The following FLNC variants were observed in gnomAD, a reference collection of about 807,000 sequenced individuals.
The protein encoded by FLNC is filamin C, also known as filamin-C.
Under a neutral mutation model 254.3 loss-of-function variants are expected in FLNC, and 91 were observed. The ratio of observed to expected loss-of-function variants is 0.36; its 90% CI spans 0.30 to 0.43. The LOEUF is 0.43. Among genes scored for constraint, FLNC ranks in the 20% least tolerant of loss-of-function variants. The pLI is 1.00. For missense variants in FLNC, 2,853 were observed against 3,802.6 expected, an observed-to-expected ratio of 0.75 and a Z score of 6.57; for synonymous variants, 1,430 against 1,577.2, an observed-to-expected ratio of 0.91 and a Z score of 2.21.
chr7:128,854,271 G>T lies in FLNC; in HGVS notation c.6727+55G>T. 2.5e-6 allele frequency: 4 copies of T among 1,603,760 alleles called. No homozygotes were observed. The South Asian group carries it at 3.3e-5, about 13-fold the overall frequency. ...CCTCACGGCGGGATGGGAGGGTGCT[G>T]CGGACCAGGCTTGATGCTGGCAGAC... On this transcript the variant is annotated intron_variant, in intron 40 of 47. Coordinates refer to ENST00000325888, the MANE Select transcript of FLNC (RefSeq NM_001458.5).
chr7:128,858,924 C>T lies in FLNC; in HGVS notation c.*401C>T, dbSNP rs1809188187. 3.8e-6 allele frequency: 1 copy of T among 262,594 alleles called. No homozygotes were observed. The highest frequency in any genetic ancestry group is 7.5e-6 in the Non-Finnish European group (1 of 133,976). 16.3% of individuals were successfully genotyped at this position (262,594 alleles called of 1,614,324 possible). On this transcript the variant is annotated 3_prime_UTR_variant, in exon 48 of 48. Transcript: ENST00000325888. This position sits in a 1 kb window ranked among gnomAD's most constrained non-coding sequence, Gnocchi z 6.7. ...CAAACTGCACCGCCGGCCAGATACC[C>T]TCCTGACCCCGAGGACTTGGTCTGG... is the stretch of plus-strand genomic sequence containing the variant.
chr7:128,848,423 G>A (rs1165771582), intron 26 of FLNC, 138 bp from the exon 27 acceptor site: 2 of 947,736 alleles, frequency 2.1e-6, no homozygotes, highest in East Asian at 2.4e-5. Flanking sequence ...CGGCTTCTGG[G>A]AACTGGTCCC....
Position 128,856,684 on chromosome 7 carries a change from G to A in FLNC, c.7384+34G>A, listed in dbSNP as rs762370255. Reference sequence around the variant, plus strand: ...GCCCTGCCCCTGCCAACTCCCTTCCGGGCTGGGGCCTTCTGGGGAGGGGAA... The same window carrying A: ...GCCCTGCCCCTGCCAACTCCCTTCCAGGCTGGGGCCTTCTGGGGAGGGGAA... On this transcript the variant is annotated intron_variant, in intron 44 of 47. Transcript: ENST00000325888. The surrounding 1 kb of genome is among the most constrained non-coding windows in gnomAD (Gnocchi z 5.9). 11 of 1,613,628 alleles carry A rather than the reference G, an allele frequency of 6.8e-6. No individual in the cohort carries two copies. In the East Asian group the frequency reaches 1.1e-4, roughly 16 times the overall value.
chr7:128,850,933 C>T lies in FLNC; in HGVS notation c.5529C>T (p.Asn1843=). Residue 1843 remains asparagine, a synonymous_variant, in exon 33 of 48, where the codon AAC becomes AAT. Coordinates refer to ENST00000325888, the MANE Select transcript of FLNC (RefSeq NM_001458.5). ...AGATGGGGATCAAGTATGACGGCAA[C>T]CACATCCCTGGTGAGTTAGGGGCTG... ...LHQMGIKYDG[N]HIPGSPLQFY... 6.2e-7 allele frequency: 1 copy of T among 1,613,626 alleles called. No individual in the cohort carries two copies. The highest frequency in any genetic ancestry group is 8.5e-7 in the Non-Finnish European group (1 of 1,179,950).
In FLNC at chr7:128,845,224, C is replaced by T; in HGVS notation, c.3759C>T (p.Val1253=). The change falls in exon 21 of 48, where the codon GTC becomes GTT. Residue 1253 remains valine, a synonymous_variant. Coordinates refer to ENST00000325888, the MANE Select transcript of FLNC (RefSeq NM_001458.5). ...HVQPAVDTSG[V]KVSGPGVEPH... is the part of the protein sequence containing the mutation. ...AGCCTGCGGTCGATACCAGTGGCGTCAAGGTCTCAGGGCCTGGTGTTGAGC... is the reference window on the plus strand; with the variant it reads ...AGCCTGCGGTCGATACCAGTGGCGTTAAGGTCTCAGGGCCTGGTGTTGAGC... The T allele has an allele frequency of 6.2e-7, 1 of 1,613,802 alleles. No homozygotes were observed. The highest frequency in any genetic ancestry group is 8.5e-7 in the Non-Finnish European group (1 of 1,180,010).
At chr7:128,855,678 C>G (rs1044569281) in intron 43 of FLNC, among the ~76,000 whole-genome samples, 8 of 152,216 alleles carry the variant, frequency 5.3e-5, no homozygotes, top group Non-Finnish European at 1.0e-4. Flanking sequence ...CCAGTTTGCA[C>G]AGAGGGTGTG....
rs374925943 is a variant in FLNC at position 128,856,843 on chromosome 7, C to G, written c.7483C>G (p.Arg2495Gly). 7 of 1,614,184 alleles carry G rather than the reference C, an allele frequency of 4.3e-6. No homozygotes were observed. Among genetic ancestry groups the G allele is most frequent in the Non-Finnish European group, 5.1e-6 (6 of 1,180,024 alleles). Residue 2495 changes from arginine (R) to glycine (G), a missense_variant, in exon 45 of 48, where the codon CGC becomes GGC. Around this residue, in one of 10 missense-constraint regions of FLNC, gnomAD observed 197 missense variants for 351.5 expected, o/e 0.56. Transcript: ENST00000325888. The surrounding 1 kb of genome is among the most constrained non-coding windows in gnomAD (Gnocchi z 5.9). The stretch of plus-strand genomic sequence containing the variant: ...CATCCCTGGAAGTCCCTTCAAGATC[C>G]GCGTTGGGGAGCAGAGCCAGGCTGG... The part of the protein sequence containing the change: ...AHIPGSPFKI[R>G]VGEQSQAGDP...
At position 128,835,280 on chromosome 7, in the gene FLNC, G is replaced by A; in HGVS notation, c.353-46G>A. On this transcript the variant is annotated intron_variant, in intron 1 of 47. Coordinates refer to ENST00000325888, the MANE Select transcript of FLNC (RefSeq NM_001458.5). This position sits in a 1 kb window ranked among gnomAD's most constrained non-coding sequence, Gnocchi z 5.3. ...GTGAGGGAGGGTGCTCTGGGGCAGTGGAGGGTGGGGCGCCCCTGAGCCCGT... is the reference window on the plus strand; with the variant it reads ...GTGAGGGAGGGTGCTCTGGGGCAGTAGAGGGTGGGGCGCCCCTGAGCCCGT... 6.2e-7 allele frequency: 1 copy of A among 1,611,124 alleles called. No homozygotes were observed. Among genetic ancestry groups the A allele is most frequent in the Non-Finnish European group, 8.5e-7 (1 of 1,179,700 alleles).
In FLNC at chr7:128,855,288, C is replaced by T. The variant is rs1244377387; in HGVS notation, c.7225C>T (p.Arg2409Cys). 5.0e-6 allele frequency: 8 copies of T among 1,612,848 alleles called. No individual in the cohort carries two copies. The highest frequency in any genetic ancestry group is 1.7e-4 in the Middle Eastern group (1 of 6,060). The change falls in exon 43 of 48, where the codon CGC (arginine) becomes TGC (cysteine). Residue 2409 changes from arginine (R) to cysteine (C), a missense_variant. Around this residue, in one of 10 missense-constraint regions of FLNC, gnomAD observed 551 missense variants for 835.0 expected, o/e 0.66. Transcript: ENST00000325888. ...VPVASLSDDA[R>C]RLTVTSLQET... ...TGTGGCCTCCCTCTCGGATGACGCT[C>T]GCCGTCTCACTGTCACCAGCCTCCA...
Position 128,854,649 on chromosome 7 carries a change from A to C in FLNC, c.6964A>C (p.Thr2322Pro). The change falls in exon 41 of 48, where the codon ACA (threonine) becomes CCA (proline). Residue 2322 changes from threonine (T) to proline (P), a missense_variant. Thr to Pro is a conservative substitution (Grantham distance 38). Coordinates refer to ENST00000325888, the MANE Select transcript of FLNC (RefSeq NM_001458.5). ...TGCCCACAAGGTGCGGGCCGGAGGC[A>C]CAGGGCTGGAGCGAGGTGTGGCCGG... The part of the protein sequence containing the change: ...GGAHKVRAGG[T>P]GLERGVAGVP... The C allele has an allele frequency of 6.2e-7, 1 of 1,612,826 alleles. No homozygotes were observed. Among genetic ancestry groups the C allele is most frequent in the Non-Finnish European group, 8.5e-7 (1 of 1,179,626 alleles).
rs1808255599 is a variant in FLNC at position 128,839,881 on chromosome 7, T to G, written c.1412-142T>G. The G allele has an allele frequency of 4.7e-6, 5 of 1,071,736 alleles. 1 individual carries two copies. In the African/African-American group the frequency reaches 6.3e-5, roughly 13 times the overall value. The allele number at this position is 1,071,736 out of a possible 1,614,324, so 66.4% of individuals were successfully genotyped here. On this transcript the variant is annotated intron_variant, in intron 8 of 47. Transcript: ENST00000325888. ...TCCAGCCCGGCAGCCCCGGTTGTGC[T>G]GGGGACACAAAGGGCTCCAGAGCAG...
chr7:128,849,622 G>A (rs201095098), intron 30 of FLNC, 44 bp downstream of exon 30: 1 of 1,605,556 alleles, frequency 6.2e-7, no homozygotes, highest in Non-Finnish European at 8.5e-7. Flanking sequence ...TGGGGAGGGG[G>A]GCCTGGCCCT....
At position 128,831,440 on chromosome 7, in the gene FLNC, T is replaced by C. The variant is rs1807888432; in HGVS notation, c.352+451T>C. 3.9e-5 allele frequency among the ~76,000 whole-genome samples: 6 copies of C among 152,306 alleles called. No individual in the cohort carries two copies. The South Asian group carries it at 1.2e-3, about 32-fold the overall frequency. On this transcript the variant is annotated intron_variant, in intron 1 of 47. Coordinates refer to ENST00000325888, the MANE Select transcript of FLNC (RefSeq NM_001458.5). ...GCCCCTCCGCGGGCTGGGAGAGGGC[T>C]GAAGACAGGTCCCCAACCACTGCCC... is the stretch of plus-strand genomic sequence containing the variant.
Position 128,856,746 on chromosome 7 carries a change from C to G in FLNC, c.7386C>G (p.Asp2462Glu), listed in dbSNP as rs2128940208. Residue 2462 changes from aspartate (D) to glutamate (E), a missense_variant and splice_region_variant, in exon 45 of 48, where the codon GAC becomes GAG. Physicochemically the swap from Asp to Glu is conservative, Grantham distance 45. Around this residue, in one of 10 missense-constraint regions of FLNC, gnomAD observed 47 missense variants for 40.3 expected, o/e 1.17. Coordinates refer to ENST00000325888, the MANE Select transcript of FLNC (RefSeq NM_001458.5). This position sits in a 1 kb window ranked among gnomAD's most constrained non-coding sequence, Gnocchi z 5.9. ...AAGCCACCAACCCTTTATCCACAGA[C>G]AAGCACACCATCCGCTTCATCCCCC... ...EECYVSELDSDKHTIRFIPHE... is the reference protein window; with the variant it reads ...EECYVSELDSEKHTIRFIPHE... 5 of 1,614,176 alleles carry G rather than the reference C, an allele frequency of 3.1e-6. No homozygotes were observed. Among genetic ancestry groups the G allele is most frequent in the Non-Finnish European group, 3.4e-6 (4 of 1,180,028 alleles).
At position 128,853,013 on chromosome 7, in the gene FLNC, G is replaced by A. The variant is rs756710545; in HGVS notation, c.6190G>A (p.Val2064Met). 26 of 1,613,166 alleles carry A rather than the reference G, an allele frequency of 1.6e-5. No individual in the cohort carries two copies. The highest frequency in any genetic ancestry group is 9.9e-5 in the South Asian group (9 of 91,086). Residue 2064 changes from valine to methionine, a missense_variant, in exon 37 of 48, where the codon GTG becomes ATG. By Grantham distance (21) the Val-to-Met change is conservative. Transcript: ENST00000325888. ...CACATTCCAGGTGGCAGAGTTCATC[G>A]TGGACACTCGCAATGCAGGTACCTC... ...GHTFQVAEFI[V>M]DTRNAGYGGL...
At position 128,850,066 on chromosome 7, in the gene FLNC, A is replaced by C. The variant is rs768900175; in HGVS notation, c.5290A>C (p.Thr1764Pro). 6.5e-6 allele frequency: 10 copies of C among 1,539,080 alleles called. No homozygotes were observed. The highest frequency in any genetic ancestry group is 8.7e-6 in the Non-Finnish European group (10 of 1,147,130). ...YAPPRPGARP[T>P]HWATEEPVVP... ...TCCTCCCCGGCCCGGCGCCCGCCCCACACACTGGGTACTGCGCCTCCCACC... is the reference window on the plus strand; with the variant it reads ...TCCTCCCCGGCCCGGCGCCCGCCCCCCACACTGGGTACTGCGCCTCCCACC... Residue 1764 changes from threonine (T) to proline (P), a missense_variant, in exon 31 of 48, where the codon ACA becomes CCA. Thr to Pro is a conservative substitution (Grantham distance 38). Around this residue, in one of 10 missense-constraint regions of FLNC, gnomAD observed 258 missense variants for 312.3 expected, o/e 0.83. Coordinates refer to ENST00000325888, the MANE Select transcript of FLNC (RefSeq NM_001458.5).
In FLNC at chr7:128,847,676, C is replaced by T. The variant is rs547578093; in HGVS notation, c.4289-21C>T. 4.8e-5 allele frequency: 77 copies of T among 1,613,744 alleles called. No homozygotes were observed. In the South Asian group the frequency reaches 6.7e-4, roughly 14 times the overall value. ...ACCCATCAGGGCTGGTGGGCAGGGT[C>T]TAATGTCCTTCTCCTCACAGGGAGC... On this transcript the variant is annotated intron_variant, in intron 24 of 47. Coordinates refer to ENST00000325888, the MANE Select transcript of FLNC (RefSeq NM_001458.5).
chr7:128,857,055 G>T lies in FLNC; in HGVS notation c.7562-63G>T. On this transcript the variant is annotated intron_variant, in intron 45 of 47. Coordinates refer to ENST00000325888, the MANE Select transcript of FLNC (RefSeq NM_001458.5). This position sits in a 1 kb window ranked among gnomAD's most constrained non-coding sequence, Gnocchi z 4.5. Reference sequence around the variant, plus strand: ...CCACAGAGGCTGTCCAGGGAGCTGGGGCCCAGTCCCTCTTGGGCCACAAGC... The same window carrying T: ...CCACAGAGGCTGTCCAGGGAGCTGGTGCCCAGTCCCTCTTGGGCCACAAGC... 1.3e-6 allele frequency: 2 copies of T among 1,580,380 alleles called. No individual in the cohort carries two copies. Among genetic ancestry groups the T allele is most frequent in the Non-Finnish European group, 1.7e-6 (2 of 1,150,604 alleles).
At chr7:128,837,311 T>C in intron 3 of FLNC, 54 bp downstream of exon 3, 1 of 1,609,952 alleles carries the variant, frequency 6.2e-7, no homozygotes, top group South Asian at 1.1e-5. Context: ...AGGTTGGGTC[T>C]GTAAGTTTAC....
Sources: allele counts gnomAD v4.1 joint callset (sites outside exome capture counted in the v4.1 genomes callset), GRCh38; gene constraint gnomAD v4.1.1; regional missense constraint gnomAD v4.1.1; non-coding constraint Gnocchi (gnomAD v3.1); transcripts MANE v1.5; gene names NCBI Gene and HGNC (gene_info 2026-07-23, HGNC 2026-07-21).